The following USH2A variants were observed in gnomAD, a reference collection of about 807,000 sequenced individuals.
The protein encoded by USH2A is Usher syndrome 2A (autosomal recessive, mild).
A neutral mutation model predicts 538.9 loss-of-function variants in USH2A; 443 were observed. The observed-to-expected ratio is 0.82, with a 90% CI of 0.76 to 0.89. The LOEUF (loss-of-function observed/expected upper bound fraction) is 0.89. USH2A is among the 40% of genes least tolerant of loss of function. USH2A has a pLI of 0.00. For synonymous variants in USH2A, 2,413 were observed against 2,273.5 expected (o/e 1.06, Z -1.75); for missense variants, 6,633 against 6,324.8 (o/e 1.05, Z -1.65).
rs1663663068 is a variant in USH2A at position 215,840,984 on chromosome 1, C to A, written c.9259-2881G>T. ...GTCCACATATTCCATGCTAAGACAA[C>A]TCAGGTAGGCTATGGGAATCATGGT... On this transcript the variant is annotated intron_variant, in intron 46 of 71. Coordinates refer to ENST00000307340, the MANE Select transcript of USH2A (RefSeq NM_206933.4). Among the ~76,000 whole-genome samples the A allele has an allele frequency of 3.9e-5, 6 of 152,198 alleles. No individual in the cohort carries two copies. In the South Asian group the frequency reaches 1.2e-3, roughly 32 times the overall value.
At chr1:215,792,708 CAG>C (rs1558100391) in intron 50 of USH2A, among the ~76,000 whole-genome samples, 1 of 152,316 alleles carries the variant, frequency 6.6e-6, no homozygotes, top group Non-Finnish European at 1.5e-5. Flanking sequence ...GCTGCAAATT[CAG>C]AGACAGACAA....
chr1:216,181,298 T>G (rs2034489618), intron 20 of USH2A, among the ~76,000 whole-genome samples: 1 of 152,078 alleles, frequency 6.6e-6, no homozygotes, highest in Non-Finnish European at 1.5e-5. Context: ...TCAAAATTCT[T>G]TGGTTGAATA....
At position 215,728,084 on chromosome 1, in the gene USH2A, C is replaced by T. The variant is rs1659880900; in HGVS notation, c.12012G>A (p.Glu4004=). Residue 4004 remains glutamate, a synonymous_variant, in exon 61 of 72, where the codon GAG becomes GAA. Transcript: ENST00000307340. ...TGTTAAATGTAGGATCGTCGGGTCT[C>T]TCCTGGTAGACCACACGGTAATGGG... ...IISHYRVVYQ[E]RPDDPTFNSP... 6.2e-7 allele frequency: 1 copy of T among 1,614,080 alleles called. No homozygotes were observed. The highest frequency in any genetic ancestry group is 1.7e-5 in the Admixed American group (1 of 60,012).
chr1:216,137,150 C>A (rs760674174), intron 21 of USH2A, among the ~76,000 whole-genome samples: 3 of 152,160 alleles, frequency 2.0e-5, no homozygotes, highest in African/African-American at 4.8e-5. Flanking sequence ...CTTAAAATTG[C>A]TGACCCAATT....
rs140003076 is a variant in USH2A, at chr1:215,743,341, A to AAG, written c.11390-8_11390-7dup. 718 of 1,459,286 alleles carry AAG rather than the reference A, an allele frequency of 4.9e-4. No homozygotes were observed. The highest frequency in any genetic ancestry group is 5.7e-4 in the Non-Finnish European group (611 of 1,076,922). The allele number at this position is 1,459,286 out of a possible 1,614,324, so 90.4% of individuals were successfully genotyped here. A position where few individuals can be genotyped will look rare whatever the true frequency, so the allele number is the denominator to read the frequency against. On this transcript the variant is annotated splice_polypyrimidine_tract_variant and splice_region_variant and intron_variant, in intron 58 of 71. Coordinates refer to ENST00000307340, the MANE Select transcript of USH2A (RefSeq NM_206933.4). Reference sequence around the variant, plus strand: ...AATTTCGGGGATGAGGATCCCTTTAAAGAGAGAGAGAGAGAGAGAACATTA... The same window carrying AAG: ...AATTTCGGGGATGAGGATCCCTTTAAAGAGAGAGAGAGAGAGAGAGAACATTA...
At chr1:216,105,077 C>T (rs2032698116) in intron 21 of USH2A, among the ~76,000 whole-genome samples, 1 of 152,098 alleles carries the variant, frequency 6.6e-6, no homozygotes. Flanking sequence ...CATCACTGGC[C>T]ATCAGAGAAA....
chr1:216,044,008 A>G (rs1452819648), intron 32 of USH2A, among the ~76,000 whole-genome samples: 1 of 123,238 alleles, frequency 8.1e-6, no homozygotes, highest in Non-Finnish European at 1.8e-5. Context: ...GAATCATCTG[A>G]CTTCATTCTT....
At chr1:216,087,548 A>C (rs1345496852) in intron 23 of USH2A, among the ~76,000 whole-genome samples, 3 of 152,072 alleles carry the variant, frequency 2.0e-5, no homozygotes, top group Non-Finnish European at 4.4e-5. Context: ...CAAAGGCCAG[A>C]CAGTGTCTTT....
At chr1:215,775,336 C>T (rs1438496116) in intron 55 of USH2A, among the ~76,000 whole-genome samples, 1 of 152,166 alleles carries the variant, frequency 6.6e-6, no homozygotes, top group Non-Finnish European at 1.5e-5. Flanking sequence ...CTGGACCCCA[C>T]AATTTTGTTG....
chr1:216,019,469 T>C (rs900688223), intron 32 of USH2A, among the ~76,000 whole-genome samples: 12 of 152,174 alleles, frequency 7.9e-5, no homozygotes, highest in African/African-American at 2.9e-4. Context: ...AGAGCTTTGT[T>C]TAGTCTTTGT....
chr1:216,081,616 A>G (rs888464254), intron 26 of USH2A, among the ~76,000 whole-genome samples: 2 of 151,942 alleles, frequency 1.3e-5, no homozygotes, highest in African/African-American at 4.8e-5. Flanking sequence ...GTTTGTTTTG[A>G]GACAGAGCTC....
At chr1:215,994,817 T>TG (rs1269684508) in intron 34 of USH2A, among the ~76,000 whole-genome samples, 1 of 152,058 alleles carries the variant, frequency 6.6e-6, no homozygotes, top group Non-Finnish European at 1.5e-5. Flanking sequence ...GAAAAAAAGT[T>TG]GAAGACCCCA....
intron 11 of USH2A, among the ~76,000 whole-genome samples, chr1:216,253,826 A>T (rs765281968): frequency 2.0e-5 from 3 of 152,224 alleles, no homozygotes; most frequent in Non-Finnish European, 2.9e-5. Flanking sequence ...TTTGCAATTC[A>T]TAATATCCCT....
At chr1:216,355,375 G>GAAAGAAAGA (rs748251919) in intron 4 of USH2A, among the ~76,000 whole-genome samples, 7 of 133,942 alleles carry the variant, frequency 5.2e-5, no homozygotes, top group African/African-American at 1.6e-4. Context: ...AAGAAAGAAA[G>GAAAGAAAGA]AAGGAAAGAA....
chr1:216,312,555 G>C lies in USH2A; in HGVS notation c.1644+9328C>G, dbSNP rs376603048. On this transcript the variant is annotated intron_variant, in intron 9 of 71. Transcript: ENST00000307340. ...TCTTCAAACTCAGATTCTTTTATCA[G>C]CTGTCCCCAAATATTAATGATCCAA... Among the ~76,000 whole-genome samples, 98 of 152,086 alleles carry C rather than the reference G, an allele frequency of 6.4e-4. 1 individual carries two copies. Among genetic ancestry groups the C allele is most frequent in the African/African-American group, 2.3e-3 (97 of 41,486 alleles).
chr1:215,943,793 A>G (rs1174511299), intron 37 of USH2A, among the ~76,000 whole-genome samples: 2 of 152,200 alleles, frequency 1.3e-5, no homozygotes, highest in African/African-American at 2.4e-5. Flanking sequence ...GTGGTTCTCC[A>G]CAAGTCTGAC....
At chr1:216,098,617 A>G (rs891848076) in intron 21 of USH2A, among the ~76,000 whole-genome samples, 3 of 152,122 alleles carry the variant, frequency 2.0e-5, no homozygotes, top group African/African-American at 7.2e-5. Context: ...TTTGGTGAAC[A>G]TTGGACTGTC....
At chr1:215,882,683 CTCTTT>C (rs1237071872) in intron 41 of USH2A, among the ~76,000 whole-genome samples, 4 of 152,024 alleles carry the variant, frequency 2.6e-5, no homozygotes, top group African/African-American at 4.8e-5. Flanking sequence ...CTCTCTCTTT[CTCTTT>C]TATTTTTTAA....
chr1:215,821,822 T>G (rs1279479178), intron 47 of USH2A, among the ~76,000 whole-genome samples: 1 of 151,636 alleles, frequency 6.6e-6, no homozygotes, highest in Non-Finnish European at 1.5e-5. Flanking sequence ...CTTCTGTCTC[T>G]TCTATCATTC....
Sources: gnomAD v4.1 joint callset for allele counts (sites outside exome capture counted in the v4.1 genomes callset) on GRCh38, gnomAD v4.1.1 for gene constraint, MANE v1.5 for transcripts, NCBI Gene and HGNC (gene_info 2026-07-23, HGNC 2026-07-21) for gene names.